ADAMTS19: variants seen among roughly 807,000 people sequenced by gnomAD.
The protein encoded by ADAMTS19 is A disintegrin and metalloproteinase with thrombospondin motifs 19.
Under a neutral mutation model 153.3 loss-of-function variants are expected in ADAMTS19, and 93 were observed. The observed-to-expected ratio is 0.61, with a 90% confidence interval of 0.51 to 0.72. The LOEUF (loss-of-function observed/expected upper bound fraction) is 0.72, where lower values mean the gene tolerates loss of function less well. Among genes scored for constraint, ADAMTS19 ranks in the 30% least tolerant of loss-of-function variants. The pLI, the probability that ADAMTS19 is intolerant of heterozygous loss-of-function variation, is 0.00. For missense variants in ADAMTS19, 1,482 were observed against 1,552.1 expected, an observed-to-expected ratio of 0.95 and a Z score of 0.76; for synonymous variants, 600 against 556.6, an observed-to-expected ratio of 1.08 and a Z score of -1.10.
At chr5:129,529,734 A>C (rs953364685) in intron 6 of ADAMTS19, among the ~76,000 whole-genome samples, 2 of 152,168 alleles carry the variant, frequency 1.3e-5, no homozygotes. Context: ...AGTCTTAGGC[A>C]TGGAGAGGTG....
chr5:129,502,792 T>C (rs1751145681), intron 2 of ADAMTS19, among the ~76,000 whole-genome samples: 1 of 152,192 alleles, frequency 6.6e-6, no homozygotes, highest in Non-Finnish European at 1.5e-5. Context: ...GAGCACCTGT[T>C]ATATATTAGA....
chr5:129,532,490 G>A (rs1477520392), intron 6 of ADAMTS19, among the ~76,000 whole-genome samples: 4 of 152,090 alleles, frequency 2.6e-5, no homozygotes, highest in Admixed American at 6.6e-5. Flanking sequence ...TCAGTTGTTG[G>A]TGGGATTATA....
At position 129,708,965 on chromosome 5, in the gene ADAMTS19, A is replaced by C. The variant is rs1756310675; in HGVS notation, c.3312+4574A>C. On this transcript the variant is annotated intron_variant, in intron 21 of 22. Transcript: ENST00000274487. ...ATCATTTTGGATGATTTAGTTATAC[A>C]GCCCAGCCAGTTGGGTATATATTTG... 2.0e-5 allele frequency among the ~76,000 whole-genome samples: 3 copies of C among 152,238 alleles called. No homozygotes were observed. The South Asian group carries it at 6.2e-4, about 32-fold the overall frequency.
intron 8 of ADAMTS19, among the ~76,000 whole-genome samples, chr5:129,617,710 T>C (rs150706892): frequency 2.0e-5 from 3 of 152,174 alleles, no homozygotes; most frequent in Admixed American, 6.6e-5. Context: ...TAGAATTACA[T>C]TAAGCCACTT....
chr5:129,712,561 C>T (rs957722285), intron 21 of ADAMTS19, among the ~76,000 whole-genome samples: 5 of 152,186 alleles, frequency 3.3e-5, no homozygotes, highest in Admixed American at 6.5e-5. Context: ...GTCTCTGTCT[C>T]TTTGCACTAA....
At chr5:129,529,964 T>G (rs994083777) in intron 6 of ADAMTS19, among the ~76,000 whole-genome samples, 1 of 152,004 alleles carries the variant, frequency 6.6e-6, no homozygotes, top group African/African-American at 2.4e-5. Flanking sequence ...AGCTTGGAGG[T>G]TGAATACCAC....
rs536513966 is a variant in ADAMTS19, at chr5:129,580,549, C to T, written c.1373-16010C>T. Among the ~76,000 whole-genome samples, 629 of 152,234 alleles carry T rather than the reference C, an allele frequency of 4.1e-3. 4 individuals are homozygous for T. Among genetic ancestry groups the T allele is most frequent in the Non-Finnish European group, 7.0e-3 (478 of 68,000 alleles). On this transcript the variant is annotated intron_variant, in intron 7 of 22. Transcript: ENST00000274487. ...GATGCTTCCAGTTTTTGCCCATTCA[C>T]TATGATATTGGCAGTGGGTTTTTCA...
intron 16 of ADAMTS19, among the ~76,000 whole-genome samples, chr5:129,673,959 G>A (rs1561641723): frequency 6.6e-6 from 1 of 152,092 alleles, no homozygotes; most frequent in Non-Finnish European, 1.5e-5. Flanking sequence ...GGCCGGGGAC[G>A]GTAACTCACG....
intron 8 of ADAMTS19, among the ~76,000 whole-genome samples, chr5:129,600,933 G>T (rs921582332): frequency 6.6e-6 from 1 of 151,874 alleles, no homozygotes; most frequent in African/African-American, 2.4e-5. Flanking sequence ...GCAGTGGCTC[G>T]ATCTCTGCTC....
chr5:129,570,949 G>GA (rs780898335), intron 7 of ADAMTS19, among the ~76,000 whole-genome samples: 39 of 151,904 alleles, frequency 2.6e-4, no homozygotes, highest in Middle Eastern at 3.4e-3. Context: ...CTACTGAAAA[G>GA]AAAAAAGGCA....
intron 21 of ADAMTS19, among the ~76,000 whole-genome samples, chr5:129,709,450 A>G (rs923458543): frequency 6.6e-6 from 1 of 152,152 alleles, no homozygotes; most frequent in Non-Finnish European, 1.5e-5. Context: ...ACTGAAATCC[A>G]CTTCATATAT....
intron 3 of ADAMTS19, among the ~76,000 whole-genome samples, chr5:129,512,460 T>C (rs529072913): frequency 9.2e-5 from 14 of 152,182 alleles, no homozygotes; most frequent in African/African-American, 3.1e-4. Context: ...ATTTAGGAGA[T>C]GAAGAATGAG....
At chr5:129,474,510 T>C (rs1750162890) in intron 2 of ADAMTS19, among the ~76,000 whole-genome samples, 1 of 152,032 alleles carries the variant, frequency 6.6e-6, no homozygotes. Flanking sequence ...CATTTTATAT[T>C]CCCCCCCAGT....
chr5:129,617,117 C>T (rs557796432), intron 8 of ADAMTS19, among the ~76,000 whole-genome samples: 1 of 152,006 alleles, frequency 6.6e-6, no homozygotes, highest in Non-Finnish European at 1.5e-5. Context: ...GATTAAGGAA[C>T]ACAATTAATT....
intron 20 of ADAMTS19, among the ~76,000 whole-genome samples, chr5:129,703,363 T>C (rs1010240046): frequency 6.6e-6 from 1 of 152,090 alleles, no homozygotes; most frequent in Non-Finnish European, 1.5e-5. Context: ...ACTAAAGAAT[T>C]TTGAACCAAA....
intron 2 of ADAMTS19, among the ~76,000 whole-genome samples, chr5:129,484,433 T>A (rs1396250649): frequency 6.6e-6 from 1 of 152,308 alleles, no homozygotes; most frequent in Non-Finnish European, 1.5e-5. Context: ...ATTTTTATAA[T>A]TTTGTTAGGC....
chr5:129,560,716 G>T lies in ADAMTS19; in HGVS notation c.1372+8809G>T, dbSNP rs571909887. Among the ~76,000 whole-genome samples, 39 of 152,196 alleles carry T rather than the reference G, an allele frequency of 2.6e-4. 2 individuals carry two copies. The South Asian group carries it at 7.7e-3, about 30-fold the overall frequency. On this transcript the variant is annotated intron_variant, in intron 7 of 22. Transcript: ENST00000274487. Reference sequence around the variant, plus strand: ...CTTTTTAAGTACTACTGTACTTTATGTATGTATTTTTATACATACATATGT... The same window carrying T: ...CTTTTTAAGTACTACTGTACTTTATTTATGTATTTTTATACATACATATGT...
chr5:129,507,083 A>G (rs1751290605), intron 2 of ADAMTS19, among the ~76,000 whole-genome samples: 1 of 151,938 alleles, frequency 6.6e-6, no homozygotes, highest in Non-Finnish European at 1.5e-5. Context: ...GTTTATTGTT[A>G]TAAACCTAAC....
intron 7 of ADAMTS19, among the ~76,000 whole-genome samples, chr5:129,589,571 G>A (rs1003728546): frequency 1.3e-5 from 2 of 151,922 alleles, no homozygotes; most frequent in African/African-American, 2.4e-5. Flanking sequence ...ACCAATAATT[G>A]TATATGAAGT....
Sources: allele counts gnomAD v4.1 joint callset (sites outside exome capture counted in the v4.1 genomes callset), GRCh38; gene constraint gnomAD v4.1.1; transcripts MANE v1.5; gene names NCBI Gene and HGNC (gene_info 2026-07-23, HGNC 2026-07-21).